Variants in ADCY7 observed in about 807,000 individuals in gnomAD.
The protein encoded by ADCY7 is adenylate cyclase 7.
In ADCY7, 72 loss-of-function variants were observed where a neutral mutation model predicts 120.6. That is an observed-to-expected ratio of 0.60 (90% confidence interval 0.49 to 0.73). The LOEUF is 0.73. ADCY7 is among the 30% of genes least tolerant of loss of function. The pLI is 0.00. For missense variants in ADCY7, 1,227 were observed against 1,486.0 expected (o/e 0.83, Z 2.87); for synonymous variants, 661 against 628.0 (o/e 1.05, Z -0.78).
At chr16:50,295,722 C>T (rs901119958) in intron 7 of ADCY7, among the ~76,000 whole-genome samples, 3 of 152,024 alleles carry the variant, frequency 2.0e-5, no homozygotes, top group Non-Finnish European at 2.9e-5. Flanking sequence ...GAGCTCGACA[C>T]GTGCCAGGCA....
Position 50,288,306 on chromosome 16 carries a change from G to T in ADCY7, c.127G>T (p.Ala43Ser), listed in dbSNP as rs201090410. The T allele has an allele frequency of 1.9e-6, 3 of 1,550,738 alleles. No homozygotes were observed. Among genetic ancestry groups the T allele is most frequent in the East Asian group, 2.4e-5 (1 of 41,034 alleles). ...PLLLTLLLVA[A>S]TACVALIIIA... is the part of the protein sequence containing the mutation. ...GCTGCTCACGCTCCTGCTGGTGGCC[G>T]CCACTGCCTGCGTGGCCCTCATCAT... Residue 43 changes from alanine (A) to serine (S), a missense_variant, in exon 2 of 26, where the codon GCC becomes TCC. Ala to Ser is a moderately conservative substitution (Grantham distance 99). Transcript: ENST00000673801.
At chr16:50,305,692 G>A in intron 13 of ADCY7, 85 bp from the exon 14 acceptor site, 2 of 1,505,522 alleles carry the variant, frequency 1.3e-6, no homozygotes, top group South Asian at 1.1e-5. Context: ...GCCCAGCCTT[G>A]TTCCTTCCCC....
intron 25 of ADCY7, 27 bp downstream of exon 25, chr16:50,315,165 A>C: frequency 6.2e-7 from 1 of 1,612,778 alleles, no homozygotes; most frequent in Non-Finnish European, 8.5e-7. Flanking sequence ...GAAGCAGTTG[A>C]CTAAGGGGAA....
intron 18 of ADCY7, chr16:50,310,401 G>T: frequency 6.8e-7 from 1 of 1,480,006 alleles, no homozygotes; most frequent in Non-Finnish European, 9.1e-7. Context: ...GAGGCAGCTT[G>T]GATGCATGCA....
intron 1 of ADCY7, among the ~76,000 whole-genome samples, chr16:50,281,947 G>T (rs942207058): frequency 1.3e-5 from 2 of 152,170 alleles, no homozygotes; most frequent in African/African-American, 4.8e-5. Context: ...GCCGAGAGCC[G>T]GCAGGACCGG....
rs570144475 is a variant in ADCY7, at chr16:50,280,082, A to G, written c.-268-7830A>G. Among the ~76,000 whole-genome samples the G allele has an allele frequency of 6.8e-4, 104 of 152,070 alleles. No individual in the cohort carries two copies. In the South Asian group the frequency reaches 0.021, roughly 31 times the overall value. ...TGAATCCATCAGGTCCTGGCCTTTT[A>G]TTGGTAGGCTATTTATTACTAATTC... is the stretch of plus-strand genomic sequence containing the variant. On this transcript the variant is annotated intron_variant, in intron 1 of 25. Transcript: ENST00000673801.
rs1425272686 is a variant in ADCY7, at chr16:50,297,268, CA to C, written c.949-1635del. Among the ~76,000 whole-genome samples, 1 of 148,086 alleles carries C rather than the reference CA, an allele frequency of 6.8e-6. No individual in the cohort carries two copies. The highest frequency in any genetic ancestry group is 2.5e-5 in the African/African-American group (1 of 40,286). On this transcript the variant is annotated intron_variant, in intron 7 of 25. Transcript: ENST00000673801. The surrounding 1 kb of genome is among the most constrained non-coding windows in gnomAD (Gnocchi z 4.4). ...TTCCAAGAGCCAGGGCCTCCTCTCT[CA>C]GAGGCATACAAGTCACACCTCCGCA... is the stretch of plus-strand genomic sequence containing the variant.
chr16:50,282,907 C>A (rs4277338), intron 1 of ADCY7, among the ~76,000 whole-genome samples: 81,311 of 151,794 alleles, frequency 0.54, 22,376 homozygotes, highest in African/African-American at 0.61. Flanking sequence ...CTTTTTATAG[C>A]GATGGGGTCT....
rs200015203 is a variant in ADCY7 at position 50,314,317 on chromosome 16, T to A, written c.2882T>A (p.Ile961Asn). ...GAGCTGGAGCGGCAGCATGCCCACA[T>A]TGGTGTCATGGTGGAGTTCAGCATC... ...NQELERQHAH[I>N]GVMVEFSIAL... The change falls in exon 24 of 26, where the codon ATT (isoleucine) becomes AAT (asparagine). Residue 961 changes from isoleucine (I) to asparagine (N), a missense_variant. Ile to Asn is a moderately radical substitution (Grantham distance 149). Coordinates refer to ENST00000673801, the MANE Select transcript of ADCY7 (RefSeq NM_001114.5). 8 of 1,613,968 alleles carry A rather than the reference T, an allele frequency of 5.0e-6. No homozygotes were observed. Among genetic ancestry groups the A allele is most frequent in the South Asian group, 1.1e-5 (1 of 91,088 alleles).
intron 1 of ADCY7, among the ~76,000 whole-genome samples, chr16:50,248,284 C>T (rs777785280): frequency 6.6e-6 from 1 of 152,202 alleles, no homozygotes; most frequent in Non-Finnish European, 1.5e-5. Context: ...GGGCTTTGCT[C>T]CTGACCCCCA....
intron 14 of ADCY7, among the ~76,000 whole-genome samples, 162 bp downstream of exon 14, chr16:50,306,011 A>G (rs897010152): frequency 6.6e-6 from 1 of 152,162 alleles, no homozygotes; most frequent in Non-Finnish European, 1.5e-5. Context: ...GGGCGGGGCC[A>G]GTGCAGCACC....
At chr16:50,310,423 T>G (rs572603630) in intron 18 of ADCY7, 1 of 1,532,314 alleles carries the variant, frequency 6.5e-7, no homozygotes, top group East Asian at 2.4e-5. Context: ...GCTCCGGCCT[T>G]GACCTTGACT....
intron 1 of ADCY7, among the ~76,000 whole-genome samples, chr16:50,276,235 C>T (rs1000278725): frequency 6.6e-6 from 1 of 152,226 alleles, no homozygotes; most frequent in Admixed American, 6.5e-5. Flanking sequence ...CCTGGAAAGC[C>T]GGCCTGAGTT....
At chr16:50,281,487 G>A (rs997418268) in intron 1 of ADCY7, among the ~76,000 whole-genome samples, 3 of 152,190 alleles carry the variant, frequency 2.0e-5, no homozygotes, top group African/African-American at 7.2e-5. Context: ...CCTCACCCAT[G>A]CCACTCTGCG....
chr16:50,289,202 TG>T, intron 2 of ADCY7: 1 of 320,928 alleles, frequency 3.1e-6, no homozygotes. Context: ...GTTTTTTTTT[TG>T]TTTGTTTGTT....
At chr16:50,291,357 A>C in intron 3 of ADCY7, among the ~76,000 whole-genome samples, 1 of 1,980 alleles carries the variant, frequency 5.1e-4, no homozygotes, top group African/African-American at 1.8e-3. Flanking sequence ...GGGTGGAGGG[A>C]GGGCGGGTGG....
chr16:50,248,738 T>C (rs2032664690), intron 1 of ADCY7, among the ~76,000 whole-genome samples: 1 of 152,224 alleles, frequency 6.6e-6, no homozygotes, highest in Admixed American at 6.5e-5. Flanking sequence ...CATCTGAATC[T>C]TAGAATTGGG....
At chr16:50,252,492 T>C (rs1222973558) in intron 1 of ADCY7, among the ~76,000 whole-genome samples, 1 of 152,142 alleles carries the variant, frequency 6.6e-6, no homozygotes, top group Non-Finnish European at 1.5e-5. Flanking sequence ...TGGGTAGGCA[T>C]TGTTTGTGTG....
chr16:50,252,364 G>A (rs777774340), intron 1 of ADCY7, among the ~76,000 whole-genome samples: 23 of 152,164 alleles, frequency 1.5e-4, no homozygotes, highest in African/African-American at 4.1e-4. Context: ...GCCTGGCTTC[G>A]GGGCCAGCAG....
Sources: allele counts gnomAD v4.1 joint callset (sites outside exome capture counted in the v4.1 genomes callset), GRCh38; gene constraint gnomAD v4.1.1; non-coding constraint Gnocchi (gnomAD v3.1); transcripts MANE v1.5; gene names NCBI Gene and HGNC (gene_info 2026-07-23, HGNC 2026-07-21).